The following JPH3 variants were observed in gnomAD, a reference collection of about 807,000 sequenced individuals.
JPH3 encodes the protein junctophilin-3.
JPH3 carries 11 observed loss-of-function variants against 59.6 expected under a neutral mutation model. The ratio of observed to expected loss-of-function variants is 0.18; its 90% CI spans 0.12 to 0.31. The LOEUF is 0.31. Among genes scored for constraint, JPH3 ranks in the 10% least tolerant of loss-of-function variants. JPH3 has a pLI of 1.00. For missense variants in JPH3, 1,202 were observed against 1,105.7 expected, an observed-to-expected ratio of 1.09 and a Z score of -1.24; for synonymous variants, 673 against 483.6, an observed-to-expected ratio of 1.39 and a Z score of -5.14.
At chr16:87,689,262 G>T (rs1309450518) in intron 3 of JPH3, among the ~76,000 whole-genome samples, 1 of 152,172 alleles carries the variant, frequency 6.6e-6, no homozygotes, top group Non-Finnish European at 1.5e-5. Context: ...CAGACAGGTG[G>T]TCAGCTAGGG....
intron 1 of JPH3, among the ~76,000 whole-genome samples, chr16:87,616,643 C>T (rs1014146510): frequency 1.3e-5 from 2 of 152,106 alleles, no homozygotes; most frequent in African/African-American, 2.4e-5. Flanking sequence ...CGGTGTCCCC[C>T]TCATGTGGTC....
chr16:87,657,870 G>T (rs937283858), intron 2 of JPH3, among the ~76,000 whole-genome samples: 1 of 152,216 alleles, frequency 6.6e-6, no homozygotes, highest in Non-Finnish European at 1.5e-5. Context: ...TAGTCTGGGG[G>T]CATGTGCCTG....
At chr16:87,648,043 A>T (rs1165979004) in intron 2 of JPH3, among the ~76,000 whole-genome samples, 1 of 152,122 alleles carries the variant, frequency 6.6e-6, no homozygotes, top group Non-Finnish European at 1.5e-5. Flanking sequence ...CTGTGGTTGC[A>T]CCATCTCCAT....
At chr16:87,685,764 T>C (rs534299929) in intron 3 of JPH3, among the ~76,000 whole-genome samples, 13 of 152,364 alleles carry the variant, frequency 8.5e-5, no homozygotes, top group African/African-American at 3.1e-4. Context: ...TTCCACTGCC[T>C]GCGGCCTGTT....
At chr16:87,674,662 C>G (rs1238590655) in intron 2 of JPH3, among the ~76,000 whole-genome samples, 1 of 152,208 alleles carries the variant, frequency 6.6e-6, no homozygotes, top group Non-Finnish European at 1.5e-5. Context: ...CTGTGGGAAG[C>G]TGGACACATG....
At chr16:87,674,670 A>G (rs2033101095) in intron 2 of JPH3, among the ~76,000 whole-genome samples, 1 of 152,250 alleles carries the variant, frequency 6.6e-6, no homozygotes, top group Non-Finnish European at 1.5e-5. Flanking sequence ...AGCTGGACAC[A>G]TGTGGAAGGG....
At chr16:87,621,848 G>A (rs1235014491) in intron 1 of JPH3, among the ~76,000 whole-genome samples, 2 of 152,166 alleles carry the variant, frequency 1.3e-5, no homozygotes, top group Non-Finnish European at 2.9e-5. Context: ...TCTCCTGTGG[G>A]TGCGTTGGTC....
chr16:87,603,344 G>C lies in JPH3; in HGVS notation c.198G>C (p.Ala66=). Reference sequence around the variant, plus strand: ...GCAACACGTACCAGGGCACCTGGGCGCAGGGCAAGCGCCACGGCATCGGCC... The same window carrying C: ...GCAACACGTACCAGGGCACCTGGGCCCAGGGCAAGCGCCACGGCATCGGCC... ...PSGNTYQGTW[A]QGKRHGIGLE... is the part of the protein sequence containing the mutation. Residue 66 remains alanine (A), a synonymous_variant, in exon 1 of 5, where the codon GCG becomes GCC. Transcript: ENST00000284262. 1 of 1,612,776 alleles carries C rather than the reference G, an allele frequency of 6.2e-7. No homozygotes were observed. Among genetic ancestry groups the C allele is most frequent in the African/African-American group, 1.3e-5 (1 of 75,040 alleles).
chr16:87,636,249 CG>C (rs35549112), intron 1 of JPH3, among the ~76,000 whole-genome samples: 3 of 150,976 alleles, frequency 2.0e-5, no homozygotes, highest in African/African-American at 7.3e-5. Context: ...GGGGTGGGGG[CG>C]GGGGCGTCCT....
At chr16:87,651,083 A>G (rs978422309) in intron 2 of JPH3, among the ~76,000 whole-genome samples, 1 of 152,254 alleles carries the variant, frequency 6.6e-6, no homozygotes, top group African/African-American at 2.4e-5. Context: ...TTCATTGAAC[A>G]TTCCAAAAAT....
chr16:87,660,751 C>G (rs1271884932), intron 2 of JPH3, among the ~76,000 whole-genome samples: 1 of 152,194 alleles, frequency 6.6e-6, no homozygotes, highest in Non-Finnish European at 1.5e-5. Flanking sequence ...CCTCACTGTG[C>G]TAGTCTGTAG....
intron 2 of JPH3, among the ~76,000 whole-genome samples, chr16:87,658,950 A>G (rs534713558): frequency 5.9e-5 from 9 of 152,378 alleles, no homozygotes; most frequent in African/African-American, 1.9e-4. Context: ...AGCAATAAGC[A>G]GCTGAATAAG....
rs1000892463 is a variant in JPH3, at chr16:87,606,724, C to T, written c.382+3196C>T. On this transcript the variant is annotated intron_variant, in intron 1 of 4. Coordinates refer to ENST00000284262, the MANE Select transcript of JPH3 (RefSeq NM_020655.4). ...ATAGTAAGCATACATTATTATTTAC[C>T]GTTAGTTTTTTCATTACAGTTTCCA... 3.1e-4 allele frequency among the ~76,000 whole-genome samples: 47 copies of T among 152,082 alleles called. 2 individuals carry two copies. The highest frequency in any genetic ancestry group is 1.3e-4 in the Admixed American group (2 of 15,270).
chr16:87,670,986 G>A (rs1399776002), intron 2 of JPH3, among the ~76,000 whole-genome samples: 1 of 152,194 alleles, frequency 6.6e-6, no homozygotes, highest in Non-Finnish European at 1.5e-5. Flanking sequence ...CCGCCAAGGT[G>A]AGGGTAGCAA....
chr16:87,655,180 T>C (rs1487253386), intron 2 of JPH3, among the ~76,000 whole-genome samples: 1 of 152,168 alleles, frequency 6.6e-6, no homozygotes, highest in Non-Finnish European at 1.5e-5. Context: ...TCTGCCGCTG[T>C]GGGCTTCCTG....
At chr16:87,638,524 A>G (rs1341150593) in intron 1 of JPH3, among the ~76,000 whole-genome samples, 3 of 152,148 alleles carry the variant, frequency 2.0e-5, no homozygotes, top group Non-Finnish European at 1.5e-5. Flanking sequence ...GTGCCGGAAC[A>G]GTGAACATGA....
intron 1 of JPH3, among the ~76,000 whole-genome samples, chr16:87,641,807 C>T (rs2150843249): frequency 6.6e-6 from 1 of 152,388 alleles, no homozygotes. Context: ...CCATATGCCA[C>T]ATGGGGCGTG....
chr16:87,695,480 C>T (rs777260155), intron 4 of JPH3: 2 of 455,848 alleles, frequency 4.4e-6, no homozygotes, highest in South Asian at 1.5e-5. Flanking sequence ...CAGCTCCTTA[C>T]CACAGTGGGG....
intron 2 of JPH3, among the ~76,000 whole-genome samples, chr16:87,667,828 T>C (rs1361311948): frequency 6.6e-6 from 1 of 151,880 alleles, no homozygotes; most frequent in Non-Finnish European, 1.5e-5. Context: ...TTTTGTTTTG[T>C]TTTGTTTTTG....
Sources: allele counts gnomAD v4.1 joint callset (sites outside exome capture counted in the v4.1 genomes callset), GRCh38; gene constraint gnomAD v4.1.1; transcripts MANE v1.5; gene names NCBI Gene and HGNC (gene_info 2026-07-23, HGNC 2026-07-21).